The following PEX5L variants were observed in gnomAD, a reference collection of about 807,000 sequenced individuals.
The protein encoded by PEX5L is peroxisomal biogenesis factor 5 like, also known as PEX5-related protein.
In PEX5L, 30 loss-of-function variants were observed where a neutral mutation model predicts 84.0. The ratio of observed to expected loss-of-function variants is 0.36; its 90% CI spans 0.27 to 0.48. PEX5L has a LOEUF of 0.48. PEX5L is among the 20% of genes least tolerant of loss of function. The pLI, the probability that PEX5L is intolerant of heterozygous loss-of-function variation, is 0.99. For synonymous variants in PEX5L, 270 were observed against 283.1 expected (o/e 0.95, Z 0.46); for missense variants, 533 against 754.6 (o/e 0.71, Z 3.44).
Position 179,801,794 on chromosome 3 carries a change from A to G in PEX5L, c.*34T>C, listed in dbSNP as rs961494882. 2 of 1,255,232 alleles carry G rather than the reference A, an allele frequency of 1.6e-6. No individual in the cohort carries two copies. The highest frequency in any genetic ancestry group is 1.5e-5 in the African/African-American group (1 of 68,174). 77.8% of individuals were successfully genotyped at this position (1,255,232 alleles called of 1,614,324 possible). A position where few individuals can be genotyped will look rare whatever the true frequency, so the allele number is the denominator to read the frequency against. ...TTGATTTTTCAGTACAATCACACAG[A>G]TCAGGGATTATTAGTACTGGTATTA... On this transcript the variant is annotated 3_prime_UTR_variant, in exon 15 of 15. Coordinates refer to ENST00000467460, the MANE Select transcript of PEX5L (RefSeq NM_016559.3).
intron 8 of PEX5L, among the ~76,000 whole-genome samples, chr3:179,824,522 A>G (rs1166994959): frequency 6.6e-6 from 1 of 152,088 alleles, no homozygotes; most frequent in Non-Finnish European, 1.5e-5. Context: ...CCTGACCAAC[A>G]TGGAGAAACC....
At chr3:179,938,487 T>C (rs181822745) in intron 2 of PEX5L, among the ~76,000 whole-genome samples, 18 of 152,314 alleles carry the variant, frequency 1.2e-4, no homozygotes, top group African/African-American at 4.1e-4. Context: ...CTCTAAACTA[T>C]CATTTAACAC....
At chr3:179,973,179 C>A in intron 1 of PEX5L, 2 of 1,288,792 alleles carry the variant, frequency 1.6e-6, no homozygotes, top group African/African-American at 3.0e-5. Context: ...ATTTGCATGA[C>A]CCGGTTTCTG....
At chr3:179,932,194 T>C (rs996368298) in intron 2 of PEX5L, among the ~76,000 whole-genome samples, 8 of 152,082 alleles carry the variant, frequency 5.3e-5, no homozygotes, top group African/African-American at 1.9e-4. Context: ...CTCCAGGACA[T>C]AGGGAGCAGG....
chr3:179,833,796 GTCTC>G (rs150426850), intron 8 of PEX5L, among the ~76,000 whole-genome samples: 109 of 151,678 alleles, frequency 7.2e-4, no homozygotes, highest in Middle Eastern at 3.4e-3. Context: ...GAATGGTAAA[GTCTC>G]TCTCTCTCTC....
At chr3:180,015,207 A>G (rs527616755) in intron 1 of PEX5L, among the ~76,000 whole-genome samples, 2 of 152,288 alleles carry the variant, frequency 1.3e-5, no homozygotes, top group South Asian at 4.1e-4. Context: ...CAGGAACCAC[A>G]CCTCATTCAT....
chr3:180,002,071 T>G (rs564028918), intron 1 of PEX5L, among the ~76,000 whole-genome samples: 1 of 152,318 alleles, frequency 6.6e-6, no homozygotes, highest in Non-Finnish European at 1.5e-5. Flanking sequence ...TAGCTCTATT[T>G]CATTCTTTTT....
chr3:180,019,327 C>T (rs916326483), intron 1 of PEX5L, among the ~76,000 whole-genome samples: 1 of 152,136 alleles, frequency 6.6e-6, no homozygotes, highest in South Asian at 2.1e-4. Context: ...AATATTCCTC[C>T]CAGTCAACCA....
chr3:179,835,937 T>C (rs1041799494), intron 8 of PEX5L, among the ~76,000 whole-genome samples: 1 of 152,214 alleles, frequency 6.6e-6, no homozygotes, highest in Middle Eastern at 3.2e-3. Context: ...TCTGTATTGG[T>C]ATTTTTTGAT....
intron 2 of PEX5L, among the ~76,000 whole-genome samples, chr3:179,946,669 G>C (rs1251483274): frequency 6.6e-6 from 1 of 152,206 alleles, no homozygotes; most frequent in Non-Finnish European, 1.5e-5. Context: ...GATTAAATCA[G>C]AATCCCTGGG....
chr3:179,935,863 T>C (rs187903407), intron 2 of PEX5L, among the ~76,000 whole-genome samples: 28 of 152,322 alleles, frequency 1.8e-4, no homozygotes, highest in Admixed American at 1.6e-3. Context: ...AGTGTGAGAA[T>C]GGGTTGCTAT....
chr3:180,024,160 T>C (rs1790687066), intron 1 of PEX5L, among the ~76,000 whole-genome samples: 1 of 151,786 alleles, frequency 6.6e-6, no homozygotes, highest in Non-Finnish European at 1.5e-5. Context: ...TAGAAAGACC[T>C]CTGTGTTGAC....
At chr3:180,033,519 A>G (rs1791639666) in intron 1 of PEX5L, among the ~76,000 whole-genome samples, 1 of 152,220 alleles carries the variant, frequency 6.6e-6, no homozygotes, top group South Asian at 2.1e-4. Context: ...GGTTAAGAAA[A>G]CATTGAGAGA....
At chr3:179,939,691 T>G (rs1174460756) in intron 2 of PEX5L, among the ~76,000 whole-genome samples, 1 of 152,180 alleles carries the variant, frequency 6.6e-6, no homozygotes, top group African/African-American at 2.4e-5. Flanking sequence ...CTTCATTACC[T>G]AGAGCCAAGT....
intron 1 of PEX5L, 81 bp downstream of exon 1, chr3:180,036,498 T>C: frequency 1.5e-6 from 2 of 1,329,218 alleles, no homozygotes; most frequent in Non-Finnish European, 1.1e-6. Flanking sequence ...AAGGCAGCAC[T>C]TGACCACAGA....
At chr3:179,834,197 G>T (rs1385872805) in intron 8 of PEX5L, among the ~76,000 whole-genome samples, 1 of 152,192 alleles carries the variant, frequency 6.6e-6, no homozygotes, top group Non-Finnish European at 1.5e-5. Context: ...AAAGTTGAAG[G>T]AGCCAAGGGA....
At chr3:179,921,549 G>A (rs1465666028) in intron 2 of PEX5L, 1 of 152,128 alleles carries the variant, frequency 6.6e-6, no homozygotes, top group Non-Finnish European at 1.5e-5. Context: ...TATTCTTCCA[G>A]TACTTTGCAA....
intron 9 of PEX5L, among the ~76,000 whole-genome samples, chr3:179,816,489 A>G (rs1199011724): frequency 1.3e-5 from 2 of 152,220 alleles, no homozygotes; most frequent in African/African-American, 4.8e-5. Flanking sequence ...ACATAGGAAC[A>G]GAAAACCAAA....
At chr3:179,892,625 C>A (rs1757957004) in intron 3 of PEX5L, among the ~76,000 whole-genome samples, 1 of 152,044 alleles carries the variant, frequency 6.6e-6, no homozygotes, top group Non-Finnish European at 1.5e-5. Flanking sequence ...GGTCAGTGGT[C>A]CTCAGAAATG....
Sources: gnomAD v4.1 joint callset for allele counts (sites outside exome capture counted in the v4.1 genomes callset) on GRCh38, gnomAD v4.1.1 for gene constraint, MANE v1.5 for transcripts, NCBI Gene and HGNC (gene_info 2026-07-23, HGNC 2026-07-21) for gene names.